Variants in PODXL observed in about 807,000 individuals in gnomAD.
PODXL encodes the protein podocalyxin like.
Under a neutral mutation model 48.9 loss-of-function variants are expected in PODXL, and 20 were observed. The observed-to-expected ratio is 0.41, with a 90% CI of 0.29 to 0.59. PODXL has a LOEUF of 0.59. PODXL is among the 20% of genes least tolerant of loss of function. PODXL has a pLI of 0.31. For synonymous variants in PODXL, 295 were observed against 287.4 expected (o/e 1.03, Z -0.27); for missense variants, 606 against 675.1 (o/e 0.90, Z 1.13).
rs1309475302 is a variant in PODXL at position 131,500,351 on chromosome 7, T to C, written c.*3960A>G. The stretch of plus-strand genomic sequence containing the variant: ...AAGAAAATGCAATAATTATTAACTA[T>C]AGTTTTTACAAACAAGTTTCTCAGT... On this transcript the variant is annotated 3_prime_UTR_variant, in exon 9 of 9. Coordinates refer to ENST00000378555, the MANE Select transcript of PODXL (RefSeq NM_001018111.3). 6.5e-6 allele frequency: 1 copy of C among 152,706 alleles called. No homozygotes were observed. The highest frequency in any genetic ancestry group is 1.5e-5 in the Non-Finnish European group (1 of 68,050). The allele number at this position is 152,706 out of a possible 1,614,324, so 9.5% of individuals were successfully genotyped here. A position where few individuals can be genotyped will look rare whatever the true frequency, so the allele number is the denominator to read the frequency against.
intron 1 of PODXL, among the ~76,000 whole-genome samples, chr7:131,548,274 A>G (rs778244981): frequency 3.9e-5 from 6 of 152,270 alleles, no homozygotes; most frequent in Non-Finnish European, 7.3e-5. Context: ...TGCAGGGACC[A>G]GTTCTGCAGT....
At chr7:131,539,689 G>A (rs551942809) in intron 1 of PODXL, among the ~76,000 whole-genome samples, 1 of 152,338 alleles carries the variant, frequency 6.6e-6, no homozygotes, top group African/African-American at 2.4e-5. Context: ...TGAGGGCGGG[G>A]CTGGAAGAAG....
chr7:131,549,772 C>G lies in PODXL; in HGVS notation c.100+6488G>C, dbSNP rs148961113. ...TGGAGGCACATACATAGCCTTCTGG[C>G]CATGACAATTGGTGGACGAGGTGCC... is the stretch of plus-strand genomic sequence containing the variant. On this transcript the variant is annotated intron_variant, in intron 1 of 8. Coordinates refer to ENST00000378555, the MANE Select transcript of PODXL (RefSeq NM_001018111.3). 6.8e-4 allele frequency among the ~76,000 whole-genome samples: 104 copies of G among 152,312 alleles called. 1 individual carries two copies. Among genetic ancestry groups the G allele is most frequent in the African/African-American group, 2.1e-3 (88 of 41,554 alleles).
intron 1 of PODXL, among the ~76,000 whole-genome samples, chr7:131,518,279 T>C (rs1798034768): frequency 6.6e-6 from 1 of 152,108 alleles, no homozygotes; most frequent in African/African-American, 2.4e-5. Context: ...TTTCAAACAT[T>C]CGAAATTAAC....
intron 1 of PODXL, among the ~76,000 whole-genome samples, chr7:131,546,492 G>A (rs1326285084): frequency 6.6e-6 from 1 of 152,100 alleles, no homozygotes; most frequent in East Asian, 1.9e-4. Flanking sequence ...TTGGGAGGCT[G>A]AGGCGGGCGG....
Position 131,510,913 on chromosome 7 carries a change from G to T in PODXL, c.621C>A (p.Asp207Glu). The change falls in exon 2 of 9, where the codon GAC becomes GAA. Residue 207 changes from aspartate (D) to glutamate (E), a missense_variant. Transcript: ENST00000378555. ...AACTGCTTGAAATTTTCATAAGATG[G>T]TCATGTCCCGAGCTTGTTGGGGTGG... ...PVATPTSSGH[D>E]HLMKISSSSS... 2 of 1,614,130 alleles carry T rather than the reference G, an allele frequency of 1.2e-6. No individual in the cohort carries two copies. The highest frequency in any genetic ancestry group is 1.1e-5 in the South Asian group (1 of 91,068).
In PODXL at chr7:131,526,739, C is replaced by CTTTTTTTTTTTTTTTTTT. The variant is rs57935236; in HGVS notation, c.101-15324_101-15307dup. Among the ~76,000 whole-genome samples the CTTTTTTTTTTTTTTTTTT allele has an allele frequency of 2.2e-5, 2 of 90,498 alleles. 1 individual carries two copies. Among genetic ancestry groups the CTTTTTTTTTTTTTTTTTT allele is most frequent in the Non-Finnish European group, 3.9e-5 (2 of 51,416 alleles). The allele number at this position is 90,498 out of a possible 152,430, so 59.4% of individuals were successfully genotyped here. A position where few individuals can be genotyped will look rare whatever the true frequency, so the allele number is the denominator to read the frequency against. ...TTGTTCAATCCACAACTTCCTTACT[C>CTTTTTTTTTTTTTTTTTT]TTTTTTTTTTTTTTTTTTTTGAGAC... On this transcript the variant is annotated intron_variant, in intron 1 of 8. Coordinates refer to ENST00000378555, the MANE Select transcript of PODXL (RefSeq NM_001018111.3).
Position 131,524,829 on chromosome 7 carries a change from C to G in PODXL, c.101-13396G>C, listed in dbSNP as rs73722851. Among the ~76,000 whole-genome samples, 1,392 of 151,874 alleles carry G rather than the reference C, an allele frequency of 9.2e-3. 11 individuals are homozygous for G. The highest frequency in any genetic ancestry group is 0.016 in the African/African-American group (674 of 41,404). On this transcript the variant is annotated intron_variant, in intron 1 of 8. Transcript: ENST00000378555. ...TTATAGCAGTTTTATTTACCATCAC[C>G]CAAAACTGAGAACCACCAAGATATT...
chr7:131,541,266 C>T (rs2116853710), intron 1 of PODXL, among the ~76,000 whole-genome samples: 1 of 152,124 alleles, frequency 6.6e-6, no homozygotes, highest in East Asian at 1.9e-4. Flanking sequence ...GCATGGTTAC[C>T]TCCCACAGAG....
chr7:131,506,092 G>A, intron 7 of PODXL, 57 bp from the exon 8 acceptor site: 3 of 1,579,546 alleles, frequency 1.9e-6, no homozygotes, highest in Non-Finnish European at 2.6e-6. Flanking sequence ...TCAGCCCCCG[G>A]CTTCACTGTA....
chr7:131,527,121 A>G (rs1336188381), intron 1 of PODXL, among the ~76,000 whole-genome samples: 1 of 152,172 alleles, frequency 6.6e-6, no homozygotes, highest in Non-Finnish European at 1.5e-5. Flanking sequence ...TGCCCTTAAG[A>G]GTAGTTTCAC....
In PODXL at chr7:131,502,688, G is replaced by C. The variant is rs1180608401; in HGVS notation, c.*1623C>G. ...CTTGATCCCAGGGAATTTACGCCCA[G>C]AACGATGGAGACCATGGCGAAAGTT... On this transcript the variant is annotated 3_prime_UTR_variant, in exon 9 of 9. Coordinates refer to ENST00000378555, the MANE Select transcript of PODXL (RefSeq NM_001018111.3). The C allele has an allele frequency of 1.3e-5, 2 of 152,564 alleles. No individual in the cohort carries two copies. Among genetic ancestry groups the C allele is most frequent in the Non-Finnish European group, 2.9e-5 (2 of 68,060 alleles). 9.5% of individuals were successfully genotyped at this position (152,564 alleles called of 1,614,324 possible). A position where few individuals can be genotyped will look rare whatever the true frequency, so the allele number is the denominator to read the frequency against.
intron 1 of PODXL, among the ~76,000 whole-genome samples, chr7:131,545,070 C>G (rs1420343007): frequency 6.6e-6 from 1 of 152,202 alleles, no homozygotes; most frequent in African/African-American, 2.4e-5. Context: ...CAGCAGGGGG[C>G]AGAGGCACAA....
chr7:131,522,359 G>T (rs753627895), intron 1 of PODXL, among the ~76,000 whole-genome samples: 4 of 152,140 alleles, frequency 2.6e-5, no homozygotes, highest in Non-Finnish European at 4.4e-5. Flanking sequence ...CAGGAGAACC[G>T]CTTGAACCCG....
At chr7:131,533,559 T>G (rs1431646521) in intron 1 of PODXL, among the ~76,000 whole-genome samples, 1 of 152,150 alleles carries the variant, frequency 6.6e-6, no homozygotes, top group Non-Finnish European at 1.5e-5. Context: ...AAGGGCAGCC[T>G]TCGCTTGGGT....
chr7:131,521,569 G>A (rs115204695), intron 1 of PODXL, among the ~76,000 whole-genome samples: 212 of 152,214 alleles, frequency 1.4e-3, no homozygotes, highest in African/African-American at 4.9e-3. Flanking sequence ...TCCTGACCTC[G>A]TGATGGACCC....
At chr7:131,525,426 CAAAAAAA>C (rs57927217) in intron 1 of PODXL, among the ~76,000 whole-genome samples, 1,008 of 59,224 alleles carry the variant, frequency 0.017, 15 homozygotes, top group Non-Finnish European at 0.021. Context: ...TCATCTCTAC[CAAAAAAA>C]AAAAAAAAAA....
At chr7:131,553,302 C>G (rs1189690351) in intron 1 of PODXL, among the ~76,000 whole-genome samples, 1 of 152,184 alleles carries the variant, frequency 6.6e-6, no homozygotes, top group African/African-American at 2.4e-5. Context: ...TTTCTCCAGA[C>G]CTCCAGACCA....
chr7:131,517,936 A>C (rs754136522), intron 1 of PODXL, among the ~76,000 whole-genome samples: 2 of 151,982 alleles, frequency 1.3e-5, no homozygotes, highest in Non-Finnish European at 2.9e-5. Flanking sequence ...ATGTGGTTTC[A>C]CCATGTTGGC....
Sources: gnomAD v4.1 joint callset for allele counts (sites outside exome capture counted in the v4.1 genomes callset) on GRCh38, gnomAD v4.1.1 for gene constraint, MANE v1.5 for transcripts, NCBI Gene and HGNC (gene_info 2026-07-23, HGNC 2026-07-21) for gene names.